Variants in CNTN1 observed in about 807,000 individuals in gnomAD.
The protein encoded by CNTN1 is contactin 1, also known as contactin-1.
A neutral mutation model predicts 126.4 loss-of-function variants in CNTN1; 38 were observed. That is an observed-to-expected ratio of 0.30 (90% CI 0.23 to 0.39). The LOEUF (loss-of-function observed/expected upper bound fraction) is 0.39, where lower values mean the gene tolerates loss of function less well. Ranked by LOEUF, CNTN1 falls within the 10% of genes least tolerant of loss-of-function variation. CNTN1 has a pLI of 1.00. For synonymous variants in CNTN1, 413 were observed against 422.6 expected (o/e 0.98, Z 0.28); for missense variants, 1,009 against 1,248.4 (o/e 0.81, Z 2.89).
At chr12:41,023,335 C>T (rs1948967848) in intron 20 of CNTN1, among the ~76,000 whole-genome samples, 2 of 152,150 alleles carry the variant, frequency 1.3e-5, no homozygotes, top group South Asian at 2.1e-4. Flanking sequence ...CAATCTCTTC[C>T]CTTGTGGTTT....
chr12:41,013,765 AAGTG>A (rs1566144185), intron 17 of CNTN1, among the ~76,000 whole-genome samples: 2 of 152,150 alleles, frequency 1.3e-5, no homozygotes, highest in African/African-American at 2.4e-5. Context: ...GGGGAATTGA[AAGTG>A]AGAGCATAAG....
Position 40,886,792 on chromosome 12 carries a change from C to T in CNTN1, c.-76-21565C>T, listed in dbSNP as rs542714625. ...GTTTCAGCTTTCTACATATGGCTAG[C>T]CAGTTTTCCCAGCACCATTTATTAA... On this transcript the variant is annotated intron_variant, in intron 1 of 23. Transcript: ENST00000551295. 5.1e-3 allele frequency among the ~76,000 whole-genome samples: 772 copies of T among 152,230 alleles called. 10 individuals are homozygous for T. The highest frequency in any genetic ancestry group is 0.018 in the African/African-American group (745 of 41,534).
chr12:40,732,687 G>A (rs1345168619), intron 1 of CNTN1, among the ~76,000 whole-genome samples: 1 of 152,036 alleles, frequency 6.6e-6, no homozygotes, highest in Non-Finnish European at 1.5e-5. Flanking sequence ...AAACCTCAAA[G>A]AAAAGCACTG....
intron 23 of CNTN1, among the ~76,000 whole-genome samples, chr12:41,029,503 G>A (rs936971714): frequency 7.2e-5 from 11 of 152,048 alleles, no homozygotes; most frequent in Non-Finnish European, 1.3e-4. Flanking sequence ...TATACAGTAT[G>A]GAACATATTA....
At chr12:40,794,993 G>C (rs1042705535) in intron 1 of CNTN1, among the ~76,000 whole-genome samples, 1 of 152,014 alleles carries the variant, frequency 6.6e-6, no homozygotes, top group Non-Finnish European at 1.5e-5. Flanking sequence ...TGTTATTATG[G>C]TATTTTGTGG....
chr12:40,883,820 A>G (rs1592202776), intron 1 of CNTN1, among the ~76,000 whole-genome samples: 1 of 151,746 alleles, frequency 6.6e-6, no homozygotes. Context: ...TTGTTTTTTA[A>G]TTGGTGCAAG....
intron 1 of CNTN1, among the ~76,000 whole-genome samples, chr12:40,838,304 G>A (rs1009874897): frequency 6.0e-5 from 9 of 151,150 alleles, no homozygotes; most frequent in African/African-American, 2.2e-4. Flanking sequence ...CTAGCCCATT[G>A]CTGCTACCAC....
At chr12:40,709,246 A>G (rs1312670230) in intron 1 of CNTN1, among the ~76,000 whole-genome samples, 1 of 152,234 alleles carries the variant, frequency 6.6e-6, no homozygotes, top group African/African-American at 2.4e-5. Context: ...GACCAGGTGC[A>G]TTGTCAATGA....
At position 40,938,986 on chromosome 12, in the gene CNTN1, G is replaced by A. The variant is rs546692180; in HGVS notation, c.1229-349G>A. Reference sequence around the variant, plus strand: ...AGATGGAGTTTTGCCGTGTTACCCAGTCTGCTCTCAAACTCCTGGGTAAGC... The same window carrying A: ...AGATGGAGTTTTGCCGTGTTACCCAATCTGCTCTCAAACTCCTGGGTAAGC... On this transcript the variant is annotated intron_variant, in intron 11 of 23. Transcript: ENST00000551295. Among the ~76,000 whole-genome samples, 3 of 152,118 alleles carry A rather than the reference G, an allele frequency of 2.0e-5. No individual in the cohort carries two copies. In the South Asian group the frequency reaches 6.2e-4, roughly 32 times the overall value.
At chr12:40,943,783 T>G (rs910966373) in intron 13 of CNTN1, 59 bp downstream of exon 13, 1 of 1,572,854 alleles carries the variant, frequency 6.4e-7, no homozygotes, top group African/African-American at 1.3e-5. Context: ...GATTCAGCAC[T>G]AAGCATCTAA....
chr12:41,007,633 G>A (rs61924395), intron 17 of CNTN1, among the ~76,000 whole-genome samples: 1 of 152,136 alleles, frequency 6.6e-6, no homozygotes, highest in East Asian at 1.9e-4. Flanking sequence ...TGAGGAGGCG[G>A]TGCCTGATTT....
rs1300261620 is a variant in CNTN1 at position 40,813,101 on chromosome 12, CTTT to C, written c.-76-95251_-76-95249del. 3.3e-4 allele frequency among the ~76,000 whole-genome samples: 37 copies of C among 113,158 alleles called. 1 individual carries two copies. In the East Asian group the frequency reaches 9.6e-3, roughly 29 times the overall value. 74.2% of individuals were successfully genotyped at this position (113,158 alleles called of 152,430 possible). On this transcript the variant is annotated intron_variant, in intron 1 of 23. Transcript: ENST00000551295. ...TTCCTTCCTTCCTTTCTTTCTCTTTCTTTTTTTCTTTCTTTCTTTCCTTCTTTC... is the reference window on the plus strand; with the variant it reads ...TTCCTTCCTTCCTTTCTTTCTCTTTCTTTTCTTTCTTTCTTTCCTTCTTTC...
At chr12:40,831,726 A>G (rs1161840714) in intron 1 of CNTN1, among the ~76,000 whole-genome samples, 1 of 152,082 alleles carries the variant, frequency 6.6e-6, no homozygotes, top group African/African-American at 2.4e-5. Flanking sequence ...TCTTCTCACA[A>G]GACAACTCAG....
At chr12:40,961,544 C>T (rs1256141964) in intron 15 of CNTN1, among the ~76,000 whole-genome samples, 1 of 151,702 alleles carries the variant, frequency 6.6e-6, no homozygotes, top group Non-Finnish European at 1.5e-5. Context: ...GAAATCATAA[C>T]CTGGAGTCTA....
chr12:40,762,404 A>C (rs1938898081), intron 1 of CNTN1, among the ~76,000 whole-genome samples: 1 of 152,128 alleles, frequency 6.6e-6, no homozygotes, highest in African/African-American at 2.4e-5. Context: ...GACAAATAGA[A>C]GTCATCACCT....
intron 1 of CNTN1, among the ~76,000 whole-genome samples, chr12:40,700,735 T>C (rs1395052268): frequency 6.6e-6 from 1 of 152,128 alleles, no homozygotes; most frequent in African/African-American, 2.4e-5. Context: ...CAATCTATCC[T>C]AGTTTGAAAA....
intron 1 of CNTN1, among the ~76,000 whole-genome samples, chr12:40,726,575 A>G (rs564293244): frequency 3.3e-4 from 51 of 152,280 alleles, no homozygotes; most frequent in Admixed American, 1.1e-3. Flanking sequence ...CACCACCATG[A>G]TCCGATTACC....
In CNTN1 at chr12:40,926,105, G is replaced by A. The variant is rs550299817; in HGVS notation, c.496+1453G>A. Among the ~76,000 whole-genome samples, 13 of 151,092 alleles carry A rather than the reference G, an allele frequency of 8.6e-5. No homozygotes were observed. The East Asian group carries it at 1.4e-3, about 16-fold the overall frequency. On this transcript the variant is annotated intron_variant, in intron 6 of 23. Coordinates refer to ENST00000551295, the MANE Select transcript of CNTN1 (RefSeq NM_001843.4). ...CTACCAGCCTTCAGAGGTCTTCCAC[G>A]GGGAGAGTCAGACATTAATAAGATA...
At chr12:40,711,028 C>G (rs1312921159) in intron 1 of CNTN1, among the ~76,000 whole-genome samples, 3 of 152,098 alleles carry the variant, frequency 2.0e-5, no homozygotes, top group Non-Finnish European at 2.9e-5. Context: ...GGTGTAATAT[C>G]TTAGTTAAAT....
Sources: gnomAD v4.1 joint callset for allele counts (sites outside exome capture counted in the v4.1 genomes callset) on GRCh38, gnomAD v4.1.1 for gene constraint, MANE v1.5 for transcripts, NCBI Gene and HGNC (gene_info 2026-07-23, HGNC 2026-07-21) for gene names.